The following GRIP1 variants were observed in gnomAD, a reference collection of about 807,000 sequenced individuals.
GRIP1 encodes the protein glutamate receptor interacting protein 1, also known as glutamate receptor-interacting protein 1.
A neutral mutation model predicts 129.9 loss-of-function variants in GRIP1; 45 were observed. The observed-to-expected ratio is 0.35, with a 90% CI of 0.27 to 0.44. The LOEUF (loss-of-function observed/expected upper bound fraction) is 0.44. Ranked by LOEUF, GRIP1 falls within the 20% of genes least tolerant of loss-of-function variation. The pLI is 1.00. For missense variants in GRIP1, 1,196 were observed against 1,396.8 expected, an observed-to-expected ratio of 0.86 and a Z score of 2.29; for synonymous variants, 530 against 520.8, an observed-to-expected ratio of 1.02 and a Z score of -0.24.
intron 1 of GRIP1, among the ~76,000 whole-genome samples, chr12:66,725,279 G>C (rs1028660046): frequency 6.6e-6 from 1 of 151,740 alleles, no homozygotes; most frequent in Non-Finnish European, 1.5e-5. Context: ...CTCCAGTCTG[G>C]GCAACAGAGT....
At chr12:66,726,297 A>C (rs2036252258) in intron 1 of GRIP1, among the ~76,000 whole-genome samples, 1 of 152,200 alleles carries the variant, frequency 6.6e-6, no homozygotes, top group Non-Finnish European at 1.5e-5. Flanking sequence ...AAACTATTAA[A>C]GACACAAGTC....
chr12:66,569,098 G>C (rs2062865773), intron 2 of GRIP1: 1 of 225,510 alleles, frequency 4.4e-6, no homozygotes, highest in South Asian at 5.3e-5. Context: ...TTCTCTTTGA[G>C]AGTTTCAGTT....
At chr12:66,461,925 G>C (rs903385803) in intron 9 of GRIP1, among the ~76,000 whole-genome samples, 2 of 152,148 alleles carry the variant, frequency 1.3e-5, no homozygotes, top group South Asian at 2.1e-4. Flanking sequence ...GGAGTACAAA[G>C]GAATGGTGTT....
At chr12:66,685,762 T>C (rs1053611982) in intron 1 of GRIP1, among the ~76,000 whole-genome samples, 9 of 152,188 alleles carry the variant, frequency 5.9e-5, no homozygotes, top group Non-Finnish European at 1.3e-4. Flanking sequence ...ACCCAGCTTA[T>C]CACCCTTTCT....
chr12:67,059,598 C>T (rs1361784980), intron 1 of GRIP1, among the ~76,000 whole-genome samples: 1 of 152,200 alleles, frequency 6.6e-6, no homozygotes, highest in Non-Finnish European at 1.5e-5. Context: ...CTAATGTGTT[C>T]TTAATTGACA....
At chr12:66,436,278 T>C (rs2058300514) in intron 13 of GRIP1, among the ~76,000 whole-genome samples, 1 of 152,168 alleles carries the variant, frequency 6.6e-6, no homozygotes, top group Non-Finnish European at 1.5e-5. Context: ...ACACCCTTTG[T>C]GAGGAACGTG....
chr12:66,664,397 T>C (rs912463103), intron 1 of GRIP1, among the ~76,000 whole-genome samples: 7 of 152,212 alleles, frequency 4.6e-5, no homozygotes, highest in African/African-American at 1.7e-4. Context: ...TAACATACAT[T>C]AGATAAACAT....
At chr12:66,994,265 C>T (rs185860294) in intron 1 of GRIP1, among the ~76,000 whole-genome samples, 2 of 150,834 alleles carry the variant, frequency 1.3e-5, no homozygotes, top group East Asian at 1.9e-4. Flanking sequence ...AGCAAAAAGA[C>T]TCTAAGACCA....
chr12:66,632,282 C>G (rs1035309669), intron 1 of GRIP1, among the ~76,000 whole-genome samples: 9 of 152,110 alleles, frequency 5.9e-5, no homozygotes, highest in Admixed American at 2.0e-4. Context: ...ACCAGAAGGT[C>G]ACAAGGCAAG....
At chr12:66,937,104 A>G (rs1255813231) in intron 1 of GRIP1, among the ~76,000 whole-genome samples, 1 of 152,074 alleles carries the variant, frequency 6.6e-6, no homozygotes, top group Non-Finnish European at 1.5e-5. Context: ...GGTAGATTTG[A>G]GGCCTTCGCA....
chr12:66,578,212 A>G (rs1424528156), intron 2 of GRIP1, among the ~76,000 whole-genome samples: 1 of 147,798 alleles, frequency 6.8e-6, no homozygotes, highest in Admixed American at 6.8e-5. Context: ...TACCAGCCTG[A>G]CTAATATGGC....
chr12:66,464,747 T>C (rs777982897), intron 8 of GRIP1, among the ~76,000 whole-genome samples: 1 of 152,030 alleles, frequency 6.6e-6, no homozygotes. Context: ...GGCTGACACA[T>C]AGGTGAATTT....
At chr12:66,681,940 C>T (rs1249323212), upstream of GRIP1, among the ~76,000 whole-genome samples, 2 of 152,124 alleles carry the variant, frequency 1.3e-5, no homozygotes, top group Non-Finnish European at 2.9e-5. Flanking sequence ...AAGGCACTTT[C>T]ACACATAATG....
At chr12:66,756,213 C>T (rs988761018) in intron 1 of GRIP1, among the ~76,000 whole-genome samples, 2 of 152,186 alleles carry the variant, frequency 1.3e-5, no homozygotes, top group African/African-American at 4.8e-5. Context: ...ACCCTGGCAG[C>T]CACCAGTCTA....
At chr12:66,956,529 G>C (rs1327948629) in intron 1 of GRIP1, among the ~76,000 whole-genome samples, 10 of 152,116 alleles carry the variant, frequency 6.6e-5, no homozygotes, top group Admixed American at 6.5e-4. Context: ...ACACTTAAGG[G>C]ACAGAGAATT....
rs1227074123 is a variant in GRIP1, at chr12:66,531,286, T to A, written c.419-1372A>T. Among the ~76,000 whole-genome samples the A allele has an allele frequency of 4.8e-4, 23 of 47,496 alleles. 2 individuals are homozygous for A. Among genetic ancestry groups the A allele is most frequent in the South Asian group, 9.5e-4 (1 of 1,048 alleles). The allele number at this position is 47,496 out of a possible 152,430, so 31.2% of individuals were successfully genotyped here. ...ATATATATATATATATATATATATA[T>A]ATATATATATATATATACACACACA... On this transcript the variant is annotated intron_variant, in intron 4 of 24. Transcript: ENST00000359742.
At chr12:66,600,253 C>A (rs1261410606) in intron 1 of GRIP1, among the ~76,000 whole-genome samples, 1 of 152,110 alleles carries the variant, frequency 6.6e-6, no homozygotes, top group Non-Finnish European at 1.5e-5. Flanking sequence ...CCAGGATGAG[C>A]CTTAAAAGAG....
At chr12:66,540,609 C>T (rs1444606605) in intron 3 of GRIP1, among the ~76,000 whole-genome samples, 1 of 152,152 alleles carries the variant, frequency 6.6e-6, no homozygotes, top group Non-Finnish European at 1.5e-5. Flanking sequence ...GGAGGCAATC[C>T]ACTGGATTAA....
intron 14 of GRIP1, 114 bp downstream of exon 14, chr12:66,432,434 T>A: frequency 1.5e-6 from 1 of 661,338 alleles, no homozygotes; most frequent in East Asian, 2.7e-5. Flanking sequence ...TTTTGTATCA[T>A]GATATAAAAA....
Sources: gnomAD v4.1 joint callset for allele counts (sites outside exome capture counted in the v4.1 genomes callset) on GRCh38, gnomAD v4.1.1 for gene constraint, MANE v1.5 for transcripts, NCBI Gene and HGNC (gene_info 2026-07-23, HGNC 2026-07-21) for gene names.